Variants in SMO observed in about 807,000 individuals in gnomAD.
The protein encoded by SMO is smoothened, frizzled class receptor.
In SMO, 40 loss-of-function variants were observed where a neutral mutation model predicts 81.6. The ratio of observed to expected loss-of-function variants is 0.49; its 90% CI spans 0.38 to 0.64. SMO has a LOEUF of 0.64. Ranked by LOEUF, SMO falls within the 30% of genes least tolerant of loss-of-function variation. SMO has a pLI of 0.00. For synonymous variants in SMO, 434 were observed against 432.1 expected (o/e 1.00, Z -0.05); for missense variants, 916 against 1,061.1 (o/e 0.86, Z 1.90).
Position 129,212,541 on chromosome 7 carries a change from G to A in SMO, c.*90G>A, listed in dbSNP as rs887864005. ...ACCGAGCATGCTTCCCTAGGATCCC[G>A]TCTTCCAGAGAACCTGTGGGCTGAC... On this transcript the variant is annotated 3_prime_UTR_variant, in exon 12 of 12. Coordinates refer to ENST00000249373, the MANE Select transcript of SMO (RefSeq NM_005631.5). The surrounding 1 kb of genome is among the most constrained non-coding windows in gnomAD (Gnocchi z 5.0). The A allele has an allele frequency of 1.7e-5, 21 of 1,272,246 alleles. No individual in the cohort carries two copies. The East Asian group carries it at 2.3e-4, about 14-fold the overall frequency. The allele number at this position is 1,272,246 out of a possible 1,614,324, so 78.8% of individuals were successfully genotyped here. A position where few individuals can be genotyped will look rare whatever the true frequency, so the allele number is the denominator to read the frequency against.
At chr7:129,196,738 C>T (rs1029837079) in intron 1 of SMO, among the ~76,000 whole-genome samples, 3 of 151,968 alleles carry the variant, frequency 2.0e-5, no homozygotes, top group Non-Finnish European at 4.4e-5. Flanking sequence ...ATAAAACTGG[C>T]TGGGCACGGT....
rs776535013 is a variant in SMO at position 129,211,816 on chromosome 7, G to T, written c.1936+46G>T. 9 of 1,611,706 alleles carry T rather than the reference G, an allele frequency of 5.6e-6. No homozygotes were observed. In the South Asian group the frequency reaches 9.9e-5, roughly 18 times the overall value. On this transcript the variant is annotated intron_variant, in intron 11 of 11. Transcript: ENST00000249373. The surrounding 1 kb of genome is among the most constrained non-coding windows in gnomAD (Gnocchi z 4.6). ...GGAGGAAGGTGGGGGGAGCACAGAG[G>T]CTGGGGGCTTCTGGGACTGGAGTAC...
At chr7:129,195,897 C>T (rs747788096) in intron 1 of SMO, among the ~76,000 whole-genome samples, 15 of 151,820 alleles carry the variant, frequency 9.9e-5, no homozygotes, top group Non-Finnish European at 1.3e-4. Flanking sequence ...GTCAGGAAGT[C>T]GAGACCATCC....
At chr7:129,205,013 A>AC (rs1793739823) in intron 2 of SMO, among the ~76,000 whole-genome samples, 190 bp from the exon 3 acceptor site, 1 of 74,064 alleles carries the variant, frequency 1.4e-5, no homozygotes, top group African/African-American at 4.4e-5. Flanking sequence ...AAAAAGAAAG[A>AC]AAAAAAGAAA....
rs1793805877 is a variant in SMO at position 129,208,195 on chromosome 7, G to A, written c.1265-564G>A. Among the ~76,000 whole-genome samples, 1 of 152,140 alleles carries A rather than the reference G, an allele frequency of 6.6e-6. No homozygotes were observed. Among genetic ancestry groups the A allele is most frequent in the African/African-American group, 2.4e-5 (1 of 41,430 alleles). On this transcript the variant is annotated intron_variant, in intron 6 of 11. Transcript: ENST00000249373. This position sits in a 1 kb window ranked among gnomAD's most constrained non-coding sequence, Gnocchi z 5.2. ...AAGGCCGGCATGGTGGCTCACACCT[G>A]TAATCCCAGCACTTTGGGAGGCCGA...
rs2150652044 is a variant in SMO at position 129,208,684 on chromosome 7, C to A, written c.1265-75C>A. 3.4e-6 allele frequency: 3 copies of A among 889,988 alleles called. No homozygotes were observed. The East Asian group carries it at 7.5e-5, about 22-fold the overall frequency. 55.1% of individuals were successfully genotyped at this position (889,988 alleles called of 1,614,324 possible). Reference sequence around the variant, plus strand: ...CTTGGGACTCCAGAGCCTTAGGACCCTCCTCCCACTCACCCATCCTTCCCA... The same window carrying A: ...CTTGGGACTCCAGAGCCTTAGGACCATCCTCCCACTCACCCATCCTTCCCA... On this transcript the variant is annotated intron_variant, in intron 6 of 11. Transcript: ENST00000249373. This position sits in a 1 kb window ranked among gnomAD's most constrained non-coding sequence, Gnocchi z 5.2.
At chr7:129,193,057 C>T (rs920225355) in intron 1 of SMO, among the ~76,000 whole-genome samples, 1 of 152,182 alleles carries the variant, frequency 6.6e-6, no homozygotes, top group African/African-American at 2.4e-5. Flanking sequence ...CATCTCTCCC[C>T]TTTACAGCTG....
rs1372456398 is a variant in SMO, at chr7:129,206,145, C to T, written c.921-5C>T. 6.3e-7 allele frequency: 1 copy of T among 1,589,234 alleles called. No homozygotes were observed. Among genetic ancestry groups the T allele is most frequent in the Non-Finnish European group, 8.6e-7 (1 of 1,166,186 alleles). ...CCTCAAGTGACACCTCACCTCTCTGCACAGCTCCAATGAGACTCTGTCCTG... is the reference window on the plus strand; with the variant it reads ...CCTCAAGTGACACCTCACCTCTCTGTACAGCTCCAATGAGACTCTGTCCTG... On this transcript the variant is annotated splice_polypyrimidine_tract_variant and splice_region_variant and intron_variant, in intron 4 of 11. Transcript: ENST00000249373. This position sits in a 1 kb window ranked among gnomAD's most constrained non-coding sequence, Gnocchi z 4.4.
In SMO at chr7:129,212,431, G is replaced by A. The variant is rs587778689; in HGVS notation, c.2344G>A (p.Asp782Asn). 6.2e-7 allele frequency: 1 copy of A among 1,611,570 alleles called. No homozygotes were observed. Among genetic ancestry groups the A allele is most frequent in the African/African-American group, 1.3e-5 (1 of 75,002 alleles). ...CAACCTGATGGACACAGAACTCATG[G>A]ATGCAGACTCGGACTTCTGAGCCTG... is the stretch of plus-strand genomic sequence containing the variant. ...RTNLMDTELM[D>N]ADSDF Residue 782 changes from aspartate to asparagine, a missense_variant, in exon 12 of 12, where the codon GAT becomes AAT. Physicochemically the swap from Asp to Asn is conservative, Grantham distance 23. Coordinates refer to ENST00000249373, the MANE Select transcript of SMO (RefSeq NM_005631.5). This position sits in a 1 kb window ranked among gnomAD's most constrained non-coding sequence, Gnocchi z 5.0.
intron 1 of SMO, among the ~76,000 whole-genome samples, chr7:129,194,349 T>G (rs907680551): frequency 6.6e-5 from 10 of 152,292 alleles, no homozygotes; most frequent in Admixed American, 1.3e-4. Flanking sequence ...ACTACAGGCA[T>G]GTGTTCTGTG....
At chr7:129,194,143 C>T (rs73230580) in intron 1 of SMO, among the ~76,000 whole-genome samples, 8,451 of 151,850 alleles carry the variant, frequency 0.056, 256 homozygotes, top group Non-Finnish European at 0.065. Context: ...TGTATACACA[C>T]ACACACATAT....
In SMO at chr7:129,212,099, G is replaced by A. The variant is rs573599556; in HGVS notation, c.2012G>A (p.Arg671Gln). The A allele has an allele frequency of 2.2e-5, 35 of 1,577,532 alleles. No individual in the cohort carries two copies. The Admixed American group carries it at 2.5e-4, about 11-fold the overall frequency. Residue 671 changes from arginine (R) to glutamine (Q), a missense_variant, in exon 12 of 12, where the codon CGG (arginine) becomes CAG (glutamine). By Grantham distance (43) the Arg-to-Gln change is conservative (BLOSUM62 1). Coordinates refer to ENST00000249373, the MANE Select transcript of SMO (RefSeq NM_005631.5). The surrounding 1 kb of genome is among the most constrained non-coding windows in gnomAD (Gnocchi z 5.0). ...ISPELQKRLG[R>Q]KKKRRKRKKE... ...CCAGAGCTGCAGAAGCGCCTGGGCC[G>A]GAAGAAGAAGAGGAGGAAGAGGAAG...
rs992614047 is a variant in SMO at position 129,189,093 on chromosome 7, G to A, written c.-59G>A. On this transcript the variant is annotated 5_prime_UTR_variant, in exon 1 of 12. Transcript: ENST00000249373. The surrounding 1 kb of genome is among the most constrained non-coding windows in gnomAD (Gnocchi z 4.7). Reference sequence around the variant, plus strand: ...GCCGCCGAGGTCGTGCGTGTGGCCGGGGGGCTCCGAGGAGCAGGCGGGGGC... The same window carrying A: ...GCCGCCGAGGTCGTGCGTGTGGCCGAGGGGCTCCGAGGAGCAGGCGGGGGC... 41 of 1,200,010 alleles carry A rather than the reference G, an allele frequency of 3.4e-5. No individual in the cohort carries two copies. The highest frequency in any genetic ancestry group is 4.1e-5 in the Non-Finnish European group (40 of 965,024). 74.3% of individuals were successfully genotyped at this position (1,200,010 alleles called of 1,614,324 possible). A position where few individuals can be genotyped will look rare whatever the true frequency, so the allele number is the denominator to read the frequency against.
In SMO at chr7:129,205,669, C is replaced by T. The variant is rs200677912; in HGVS notation, c.807C>T (p.Tyr269=). The T allele has an allele frequency of 1.5e-5, 25 of 1,613,926 alleles. No homozygotes were observed. The highest frequency in any genetic ancestry group is 3.3e-4 in the Middle Eastern group (2 of 6,062). The change falls in exon 4 of 12, where the codon TAC becomes TAT. Residue 269 remains tyrosine (Y), a synonymous_variant. Coordinates refer to ENST00000249373, the MANE Select transcript of SMO (RefSeq NM_005631.5). ...SNRYPAVILF[Y]VNACFFVGSI... ...GCTACCCTGCTGTTATTCTCTTCTA[C>T]GTCAATGCGTGCTTCTTTGTGGGCA...
chr7:129,212,222 G>A lies in SMO; in HGVS notation c.2135G>A (p.Cys712Tyr), dbSNP rs2150656808. ...CTGCCTCAGCTGCCCCGGCAGAAATGCCTGGTGGCTGCAGGTGCCTGGGGA... is the reference window on the plus strand; with the variant it reads ...CTGCCTCAGCTGCCCCGGCAGAAATACCTGGTGGCTGCAGGTGCCTGGGGA... ...PRLPQLPRQK[C>Y]LVAAGAWGAG... Residue 712 changes from cysteine to tyrosine, a missense_variant, in exon 12 of 12, where the codon TGC becomes TAC. Physicochemically the swap from Cys to Tyr is radical, Grantham distance 194. Transcript: ENST00000249373. This position sits in a 1 kb window ranked among gnomAD's most constrained non-coding sequence, Gnocchi z 5.0. 4 of 1,582,372 alleles carry A rather than the reference G, an allele frequency of 2.5e-6. No individual in the cohort carries two copies. The highest frequency in any genetic ancestry group is 3.4e-6 in the Non-Finnish European group (4 of 1,164,130).
At position 129,211,143 on chromosome 7, in the gene SMO, G is replaced by A. The variant is rs1245599085; in HGVS notation, c.1801+30G>A. On this transcript the variant is annotated intron_variant, in intron 10 of 11. Coordinates refer to ENST00000249373, the MANE Select transcript of SMO (RefSeq NM_005631.5). The surrounding 1 kb of genome is among the most constrained non-coding windows in gnomAD (Gnocchi z 4.6). ...GCCTCACCCCTCCTCTACCGGAGCC[G>A]CCTGGCCCCGCGCTGCCCATGTGCT... 6.3e-6 allele frequency: 10 copies of A among 1,580,654 alleles called. No individual in the cohort carries two copies. The African/African-American group carries it at 6.7e-5, about 11-fold the overall frequency.
intron 1 of SMO, among the ~76,000 whole-genome samples, chr7:129,200,936 C>A (rs761707937): frequency 1.3e-5 from 2 of 152,208 alleles, no homozygotes; most frequent in African/African-American, 2.4e-5. Context: ...AGGGTTTCAC[C>A]ATGTTGGCCA....
rs751483603 is a variant in SMO, at chr7:129,206,280, C to T, written c.1051C>T (p.Gln351Ter). 44 of 1,614,230 alleles carry T rather than the reference C, an allele frequency of 2.7e-5. No individual in the cohort carries two copies. Among genetic ancestry groups the T allele is most frequent in the Non-Finnish European group, 3.7e-5 (44 of 1,180,046 alleles). ...CTTCAAAGCCCTGGGCACCACCTAC[C>T]AGCCTCTCTCGGGCAAGACCTCCTA... ...TSFKALGTTY[Q>*]PLSGKTSYFH... The change falls in exon 5 of 12, where the codon CAG becomes TAG. Residue 351 changes from glutamine to a stop codon, truncating the protein, a stop_gained. Transcript: ENST00000249373. LOFTEE classifies it high-confidence loss of function. The surrounding 1 kb of genome is among the most constrained non-coding windows in gnomAD (Gnocchi z 4.4).
chr7:129,204,199 G>T (rs1244115589), intron 2 of SMO, among the ~76,000 whole-genome samples: 1 of 152,030 alleles, frequency 6.6e-6, no homozygotes, highest in Non-Finnish European at 1.5e-5. Flanking sequence ...CTGATGTCAT[G>T]GTGTGCGCCT....
Sources: gnomAD v4.1 joint callset for allele counts (sites outside exome capture counted in the v4.1 genomes callset) on GRCh38, gnomAD v4.1.1 for gene constraint, Gnocchi (gnomAD v3.1) non-coding constraint, MANE v1.5 for transcripts, NCBI Gene and HGNC (gene_info 2026-07-23, HGNC 2026-07-21) for gene names.